The following RBMS3 variants were observed in gnomAD, a reference collection of about 807,000 sequenced individuals.
RBMS3 encodes the protein RNA-binding motif, single-stranded-interacting protein 3.
In RBMS3, 27 loss-of-function variants were observed where a neutral mutation model predicts 66.8. The ratio of observed to expected loss-of-function variants is 0.40; its 90% CI spans 0.30 to 0.56. RBMS3 has a LOEUF of 0.56. Among genes scored for constraint, RBMS3 ranks in the 20% least tolerant of loss-of-function variants. RBMS3 has a pLI of 0.40. For missense variants in RBMS3, 513 were observed against 549.5 expected, an observed-to-expected ratio of 0.93 and a Z score of 0.66; for synonymous variants, 188 against 183.0, an observed-to-expected ratio of 1.03 and a Z score of -0.22.
intron 4 of RBMS3, among the ~76,000 whole-genome samples, chr3:29,656,504 G>T (rs1344538734): frequency 6.6e-6 from 1 of 152,152 alleles, no homozygotes; most frequent in African/African-American, 2.4e-5. Context: ...TCCACATAAG[G>T]ATGAAATTAC....
chr3:29,892,861 A>G (rs1215071039), intron 8 of RBMS3, among the ~76,000 whole-genome samples: 1 of 150,754 alleles, frequency 6.6e-6, no homozygotes, highest in Non-Finnish European at 1.5e-5. Context: ...TTATTTATTT[A>G]TTTATTTTTA....
intron 6 of RBMS3, among the ~76,000 whole-genome samples, chr3:29,764,419 C>T (rs1458189130): frequency 6.6e-6 from 1 of 151,622 alleles, no homozygotes; most frequent in Non-Finnish European, 1.5e-5. Flanking sequence ...TTTTAAGACA[C>T]TTTACTCAAA....
At chr3:29,432,890 T>TA (rs1258855758) in intron 1 of RBMS3, among the ~76,000 whole-genome samples, 1 of 152,124 alleles carries the variant, frequency 6.6e-6, no homozygotes, top group Admixed American at 6.6e-5. Context: ...AAAAGTCTGA[T>TA]AAAAAATCAT....
intron 3 of RBMS3, among the ~76,000 whole-genome samples, chr3:29,559,510 C>CTAAA (rs2046470380): frequency 2.4e-5 from 1 of 41,370 alleles, no homozygotes; most frequent in African/African-American, 7.5e-5. Flanking sequence ...GACTCTGTCT[C>CTAAA]AAAAAAAAAA....
intron 7 of RBMS3, among the ~76,000 whole-genome samples, chr3:29,871,542 G>A (rs1003728406): frequency 1.1e-4 from 17 of 152,066 alleles, no homozygotes; most frequent in African/African-American, 4.1e-4. Flanking sequence ...CATTTGGGGT[G>A]TTTGTTTTTG....
rs902454158 is a variant in RBMS3 at position 29,482,831 on chromosome 3, C to T, written c.249-5610C>T. Among the ~76,000 whole-genome samples, 4 of 150,496 alleles carry T rather than the reference C, an allele frequency of 2.7e-5. No homozygotes were observed. In the Admixed American group the frequency reaches 2.7e-4, roughly 10 times the overall value. On this transcript the variant is annotated intron_variant, in intron 2 of 14. Coordinates refer to ENST00000383767, the MANE Select transcript of RBMS3 (RefSeq NM_001003793.3). ...CAAGTGATTCTCCTGCCTCAGCCTC[C>T]TGAATAGCTGGGATTACAGGTGTGC...
At chr3:29,590,703 T>C (rs1198853648) in intron 4 of RBMS3, among the ~76,000 whole-genome samples, 1 of 152,098 alleles carries the variant, frequency 6.6e-6, no homozygotes, top group Non-Finnish European at 1.5e-5. Flanking sequence ...GGCCAAGGAA[T>C]ATGTGTCTCT....
intron 6 of RBMS3, among the ~76,000 whole-genome samples, chr3:29,815,656 C>T (rs1380483184): frequency 1.3e-5 from 2 of 151,950 alleles, no homozygotes; most frequent in Non-Finnish European, 1.5e-5. Context: ...CAGCTGGAGG[C>T]GATTATTCTA....
At chr3:29,943,259 T>C (rs1394812193) in intron 11 of RBMS3, among the ~76,000 whole-genome samples, 1 of 151,862 alleles carries the variant, frequency 6.6e-6, no homozygotes, top group East Asian at 1.9e-4. Flanking sequence ...AGAGGACCTA[T>C]TTAACCATGT....
intron 4 of RBMS3, among the ~76,000 whole-genome samples, chr3:29,620,941 C>A (rs900171563): frequency 1.3e-5 from 2 of 151,918 alleles, no homozygotes; most frequent in East Asian, 3.8e-4. Flanking sequence ...AATATGCATA[C>A]CAATTATTTT....
intron 6 of RBMS3, among the ~76,000 whole-genome samples, chr3:29,811,572 T>C (rs1482440173): frequency 6.6e-6 from 1 of 152,146 alleles, no homozygotes; most frequent in East Asian, 1.9e-4. Context: ...ACATGTAACT[T>C]TACCATGCTG....
At chr3:29,435,743 G>A (rs985808146) in intron 2 of RBMS3, among the ~76,000 whole-genome samples, 1 of 151,990 alleles carries the variant, frequency 6.6e-6, no homozygotes, top group African/African-American at 2.4e-5. Context: ...ATCGAGACCT[G>A]ACTAACACGG....
At chr3:29,818,601 C>T (rs997872951) in intron 6 of RBMS3, among the ~76,000 whole-genome samples, 1 of 151,902 alleles carries the variant, frequency 6.6e-6, no homozygotes, top group Non-Finnish European at 1.5e-5. Context: ...ATAAAACTTC[C>T]AATGCGACCT....
intron 4 of RBMS3, among the ~76,000 whole-genome samples, chr3:29,608,776 G>A (rs778865706): frequency 1.3e-5 from 2 of 152,026 alleles, no homozygotes; most frequent in African/African-American, 2.4e-5. Flanking sequence ...GAGGGCAAGA[G>A]ATCCAAATAG....
intron 7 of RBMS3, among the ~76,000 whole-genome samples, chr3:29,869,936 T>A (rs964689946): frequency 3.9e-5 from 6 of 152,144 alleles, no homozygotes; most frequent in African/African-American, 1.4e-4. Flanking sequence ...AAGCTGGAAT[T>A]TTTCTCAGCA....
chr3:29,790,031 T>C (rs983671670), intron 6 of RBMS3, among the ~76,000 whole-genome samples: 2 of 152,196 alleles, frequency 1.3e-5, no homozygotes, highest in African/African-American at 4.8e-5. Context: ...TGTTATATCA[T>C]CTTATAACTT....
intron 11 of RBMS3, among the ~76,000 whole-genome samples, chr3:29,940,134 C>T (rs1196122700): frequency 6.6e-6 from 1 of 151,908 alleles, no homozygotes; most frequent in Non-Finnish European, 1.5e-5. Context: ...TGGTCAAATA[C>T]ATTCTTTCTT....
At chr3:29,779,725 A>ATATATATATATATATATATATAT (rs1301512844) in intron 6 of RBMS3, among the ~76,000 whole-genome samples, 66 of 144,836 alleles carry the variant, frequency 4.6e-4, no homozygotes, top group South Asian at 6.4e-4. Flanking sequence ...ATATATATAT[A>ATATATATATATATATATATATAT]AACAACCCCA....
At chr3:29,874,390 C>T (rs1298849077) in intron 7 of RBMS3, among the ~76,000 whole-genome samples, 1 of 152,084 alleles carries the variant, frequency 6.6e-6, no homozygotes, top group Non-Finnish European at 1.5e-5. Flanking sequence ...AGATCATTTT[C>T]CAAGGTAAGG....
Sources: gnomAD v4.1 joint callset for allele counts (sites outside exome capture counted in the v4.1 genomes callset) on GRCh38, gnomAD v4.1.1 for gene constraint, MANE v1.5 for transcripts, NCBI Gene and HGNC (gene_info 2026-07-23, HGNC 2026-07-21) for gene names.